ATXN1: variants seen among roughly 807,000 people sequenced by gnomAD.
ATXN1 encodes ataxin-1.
ATXN1 carries 8 observed loss-of-function variants against 56.4 expected under a neutral mutation model. The ratio of observed to expected loss-of-function variants is 0.14; its 90% CI spans 0.08 to 0.26. The LOEUF (loss-of-function observed/expected upper bound fraction) is 0.26, where lower values mean the gene tolerates loss of function less well. Ranked by LOEUF, ATXN1 falls within the 10% of genes least tolerant of loss-of-function variation. The pLI, the probability that ATXN1 is intolerant of heterozygous loss-of-function variation, is 1.00. For missense variants in ATXN1, 987 were observed against 1,106.5 expected, an observed-to-expected ratio of 0.89 and a Z score of 1.53; for synonymous variants, 514 against 494.6, an observed-to-expected ratio of 1.04 and a Z score of -0.52.
chr6:16,718,909 T>C (rs758435367), intron 2 of ATXN1, among the ~76,000 whole-genome samples: 28 of 152,246 alleles, frequency 1.8e-4, no homozygotes, highest in Non-Finnish European at 3.5e-4. Flanking sequence ...AGTGAAGGTA[T>C]GTAGCATGAT....
At chr6:16,467,449 T>C (rs72823529) in intron 6 of ATXN1, among the ~76,000 whole-genome samples, 1 of 152,324 alleles carries the variant, frequency 6.6e-6, no homozygotes, top group Non-Finnish European at 1.5e-5. Context: ...GTTTTATTTG[T>C]CAAAACTACT....
At chr6:16,478,322 T>A (rs767202502) in intron 6 of ATXN1, among the ~76,000 whole-genome samples, 4 of 152,196 alleles carry the variant, frequency 2.6e-5, no homozygotes, top group Non-Finnish European at 4.4e-5. Context: ...CCAGTAGATA[T>A]GTAGTAACCA....
intron 6 of ATXN1, among the ~76,000 whole-genome samples, chr6:16,429,799 A>G (rs1759240857): frequency 6.6e-6 from 1 of 152,154 alleles, no homozygotes; most frequent in Non-Finnish European, 1.5e-5. Flanking sequence ...CGCAGCAGGT[A>G]TTACCACCTC....
intron 6 of ATXN1, among the ~76,000 whole-genome samples, chr6:16,413,783 A>C (rs1390684202): frequency 6.6e-6 from 1 of 152,176 alleles, no homozygotes; most frequent in Non-Finnish European, 1.5e-5. Context: ...GGCCCACCTG[A>C]TATAATTTTG....
intron 2 of ATXN1, among the ~76,000 whole-genome samples, chr6:16,751,610 G>A (rs1022010997): frequency 2.5e-4 from 37 of 150,890 alleles, no homozygotes; most frequent in African/African-American, 9.0e-4. Context: ...AACCACACAT[G>A]CATCCCATCA....
At chr6:16,465,847 G>C (rs9350007) in intron 6 of ATXN1, among the ~76,000 whole-genome samples, 11,266 of 152,190 alleles carry the variant, frequency 0.074, 695 homozygotes, top group East Asian at 0.29. Flanking sequence ...TGCTAAGTCC[G>C]GGCCACATAA....
intron 6 of ATXN1, among the ~76,000 whole-genome samples, chr6:16,392,369 C>G (rs1202438067): frequency 6.6e-6 from 1 of 152,228 alleles, no homozygotes; most frequent in East Asian, 1.9e-4. Context: ...AACTGGATAA[C>G]TGCCAGTCAT....
chr6:16,413,279 G>A (rs966269346), intron 6 of ATXN1, among the ~76,000 whole-genome samples: 1 of 151,938 alleles, frequency 6.6e-6, no homozygotes, highest in Non-Finnish European at 1.5e-5. Context: ...ACCCAGGCCT[G>A]TCTAGTTCTT....
At chr6:16,523,844 G>A (rs184622445) in intron 4 of ATXN1, among the ~76,000 whole-genome samples, 3 of 152,294 alleles carry the variant, frequency 2.0e-5, no homozygotes, top group Admixed American at 6.5e-5. Context: ...TGAAAGAAAG[G>A]GAGATAAGGG....
chr6:16,530,579 A>G (rs548985124), intron 4 of ATXN1, among the ~76,000 whole-genome samples: 30 of 151,794 alleles, frequency 2.0e-4, no homozygotes, highest in Non-Finnish European at 4.1e-4. Flanking sequence ...TACTTAAGAG[A>G]ACATCTACAC....
intron 4 of ATXN1, among the ~76,000 whole-genome samples, chr6:16,560,075 T>C (rs1373358713): frequency 6.6e-6 from 1 of 152,144 alleles, no homozygotes; most frequent in African/African-American, 2.4e-5. Context: ...GCTGGAGATA[T>C]GCCAACGAGA....
At chr6:16,339,508 C>A (rs1409837661) in intron 6 of ATXN1, among the ~76,000 whole-genome samples, 1 of 152,268 alleles carries the variant, frequency 6.6e-6, no homozygotes, top group East Asian at 1.9e-4. Context: ...CTGCAAAGAC[C>A]CCAAGACCTC....
At chr6:16,643,821 TAAG>T in intron 3 of ATXN1, among the ~76,000 whole-genome samples, 1 of 152,062 alleles carries the variant, frequency 6.6e-6, no homozygotes, top group South Asian at 2.1e-4. Flanking sequence ...CTTCAGTTAT[TAAG>T]AAGAAAAAAA....
intron 2 of ATXN1, among the ~76,000 whole-genome samples, chr6:16,685,020 A>AACAC (rs3072311): frequency 9.5e-4 from 143 of 151,032 alleles, no homozygotes; most frequent in African/African-American, 3.0e-3. Flanking sequence ...TTCTACAGAC[A>AACAC]ACACACACAC....
chr6:16,541,404 GTC>G (rs1214473988), intron 4 of ATXN1, among the ~76,000 whole-genome samples: 1 of 152,172 alleles, frequency 6.6e-6, no homozygotes. Flanking sequence ...CAGCTTGAGC[GTC>G]TCTTTCTGTT....
intron 6 of ATXN1, among the ~76,000 whole-genome samples, chr6:16,368,975 A>AG (rs1761983996): frequency 6.6e-6 from 1 of 152,250 alleles, no homozygotes; most frequent in Non-Finnish European, 1.5e-5. Flanking sequence ...ATGCTTTTAC[A>AG]GAATAATACT....
intron 2 of ATXN1, among the ~76,000 whole-genome samples, chr6:16,676,758 G>T (rs1023306519): frequency 2.6e-5 from 4 of 152,130 alleles, no homozygotes; most frequent in African/African-American, 9.7e-5. Context: ...AATAATTTTA[G>T]TATGATTCCT....
Position 16,303,554 on chromosome 6 carries a change from C to T in ATXN1, c.*2775G>A, listed in dbSNP as rs1188527474. 1.3e-5 allele frequency: 2 copies of T among 152,636 alleles called. No homozygotes were observed. The highest frequency in any genetic ancestry group is 6.5e-5 in the Admixed American group (1 of 15,284). The allele number at this position is 152,636 out of a possible 1,614,324, so 9.5% of individuals were successfully genotyped here. A position where few individuals can be genotyped will look rare whatever the true frequency, so the allele number is the denominator to read the frequency against. On this transcript the variant is annotated 3_prime_UTR_variant, in exon 8 of 8. Coordinates refer to ENST00000436367, the MANE Select transcript of ATXN1 (RefSeq NM_001128164.2). The surrounding 1 kb of genome is among the most constrained non-coding windows in gnomAD (Gnocchi z 4.3). ...CTCTATTGGCACAGAAAGTATTGCACATGCTAAAAAAGCAAGAGAATGAAA... is the reference window on the plus strand; with the variant it reads ...CTCTATTGGCACAGAAAGTATTGCATATGCTAAAAAAGCAAGAGAATGAAA...
At chr6:16,598,598 G>T (rs1030049322) in intron 3 of ATXN1, among the ~76,000 whole-genome samples, 3 of 152,146 alleles carry the variant, frequency 2.0e-5, no homozygotes, top group African/African-American at 7.2e-5. Flanking sequence ...CACACCCACA[G>T]CAGCCACTCG....
Sources: gnomAD v4.1 joint callset for allele counts (sites outside exome capture counted in the v4.1 genomes callset) on GRCh38, gnomAD v4.1.1 for gene constraint, Gnocchi (gnomAD v3.1) non-coding constraint, MANE v1.5 for transcripts, NCBI Gene and HGNC (gene_info 2026-07-23, HGNC 2026-07-21) for gene names.